SEMA3A: variants seen among roughly 807,000 people sequenced by gnomAD.
SEMA3A encodes semaphorin-3A.
Under a neutral mutation model 97.9 loss-of-function variants are expected in SEMA3A, and 29 were observed. The observed-to-expected ratio is 0.30, with a 90% CI of 0.22 to 0.40. SEMA3A has a LOEUF of 0.40. SEMA3A is among the 10% of genes least tolerant of loss of function. The probability of loss-of-function intolerance (pLI) is 1.00; values close to 1 mark genes in which losing one functional copy is unlikely to be tolerated. For missense variants in SEMA3A, 763 were observed against 951.3 expected, an observed-to-expected ratio of 0.80 and a Z score of 2.60; for synonymous variants, 321 against 323.7, an observed-to-expected ratio of 0.99 and a Z score of 0.09.
chr7:84,274,569 T>G (rs912008560), intron 3 of SEMA3A, among the ~76,000 whole-genome samples: 50 of 152,070 alleles, frequency 3.3e-4, no homozygotes, highest in Admixed American at 5.9e-4. Flanking sequence ...CATTGTGTGA[T>G]CTTCAAAATA....
intron 3 of SEMA3A, among the ~76,000 whole-genome samples, chr7:84,294,503 C>T (rs1800824104): frequency 6.6e-6 from 1 of 151,858 alleles, no homozygotes; most frequent in African/African-American, 2.4e-5. Flanking sequence ...AATTAAATTC[C>T]TATATTCTTC....
rs555588975 is a variant in SEMA3A at position 84,448,721 on chromosome 7, A to G, written c.-246+43739T>C. 2.0e-5 allele frequency among the ~76,000 whole-genome samples: 3 copies of G among 152,264 alleles called. No homozygotes were observed. The East Asian group carries it at 5.8e-4, about 29-fold the overall frequency. Reference sequence around the variant, plus strand: ...ATGATTGGAAGACTTAATAACGTTAATATGTCAGTACTACACAAAGTGATT... The same window carrying G: ...ATGATTGGAAGACTTAATAACGTTAGTATGTCAGTACTACACAAAGTGATT... On this transcript the variant is annotated intron_variant, in intron 1 of 3. Coordinates refer to the SEMA3A transcript ENST00000424555.
chr7:84,467,377 C>G (rs1806027898), intron 1 of SEMA3A, among the ~76,000 whole-genome samples: 1 of 151,814 alleles, frequency 6.6e-6, no homozygotes. Flanking sequence ...AAAAAATTAG[C>G]TGGGTATGTT....
At chr7:84,076,775 T>C (rs1793965718) in intron 4 of SEMA3A, among the ~76,000 whole-genome samples, 1 of 152,102 alleles carries the variant, frequency 6.6e-6, no homozygotes, top group African/African-American at 2.4e-5. Flanking sequence ...CCATTCCCAT[T>C]CTAATAACAA....
At position 84,103,803 on chromosome 7, in the gene SEMA3A, A is replaced by G. The variant is rs1288068625; in HGVS notation, c.453+6667T>C. ...GAAGGATTATGAAGGCTGGAGAATG[A>G]AAGGGAAGATGAAAAAGTACCAAAC... On this transcript the variant is annotated intron_variant, in intron 4 of 16. Transcript: ENST00000265362. 2.0e-5 allele frequency among the ~76,000 whole-genome samples: 3 copies of G among 152,228 alleles called. 1 individual carries two copies. In the East Asian group the frequency reaches 5.8e-4, roughly 29 times the overall value.
At chr7:84,430,098 C>T (rs561141529) in intron 1 of SEMA3A, among the ~76,000 whole-genome samples, 30 of 151,794 alleles carry the variant, frequency 2.0e-4, no homozygotes, top group Non-Finnish European at 4.4e-5. Context: ...TAAACCCAAT[C>T]GGGGAAGCTG....
At chr7:84,271,018 G>A (rs905370403) in intron 3 of SEMA3A, among the ~76,000 whole-genome samples, 2 of 151,570 alleles carry the variant, frequency 1.3e-5, no homozygotes, top group African/African-American at 4.9e-5. Flanking sequence ...ATTTATATCC[G>A]GAATCAATTT....
At chr7:84,393,581 A>C (rs1263937363) in intron 1 of SEMA3A, among the ~76,000 whole-genome samples, 1 of 152,166 alleles carries the variant, frequency 6.6e-6, no homozygotes, top group Non-Finnish European at 1.5e-5. Flanking sequence ...ATTACAAATT[A>C]AGTTATGGTG....
intron 1 of SEMA3A, among the ~76,000 whole-genome samples, chr7:84,444,785 C>T (rs1319578107): frequency 6.6e-6 from 1 of 152,010 alleles, no homozygotes; most frequent in Non-Finnish European, 1.5e-5. Context: ...TGGTCTTGAT[C>T]TCCTGACCTC....
At position 83,994,348 on chromosome 7, in the gene SEMA3A, G is replaced by A. The variant is rs1232967215; in HGVS notation, c.1452+7607C>T. ...GTCATTCTCCATCCAGCTTTGTTCC[G>A]TTGCTGGTGAGGAACTGCGTTCCTT... On this transcript the variant is annotated intron_variant, in intron 12 of 16. Coordinates refer to ENST00000265362, the MANE Select transcript of SEMA3A (RefSeq NM_006080.3). 1.1e-4 allele frequency among the ~76,000 whole-genome samples: 13 copies of A among 118,288 alleles called. 2 individuals are homozygous for A. The highest frequency in any genetic ancestry group is 3.8e-4 in the African/African-American group (12 of 31,794). 77.6% of individuals were successfully genotyped at this position (118,288 alleles called of 152,430 possible).
intron 2 of SEMA3A, among the ~76,000 whole-genome samples, chr7:84,335,176 T>C (rs899020520): frequency 1.3e-5 from 2 of 152,172 alleles, no homozygotes; most frequent in East Asian, 1.9e-4. Context: ...TGTATTTTTC[T>C]CTACTATTAA....
intron 3 of SEMA3A, among the ~76,000 whole-genome samples, chr7:84,204,377 A>AT (rs1001059779): frequency 1.6e-4 from 24 of 152,214 alleles, no homozygotes; most frequent in Admixed American, 4.6e-4. Flanking sequence ...AATGGGATAT[A>AT]TTTTTTTATT....
Position 84,297,246 on chromosome 7 carries a change from GGATTACAGGTGT to G in SEMA3A, c.-83+9949_-83+9960del, listed in dbSNP as rs1322297827. Among the ~76,000 whole-genome samples, 7 of 152,216 alleles carry G rather than the reference GGATTACAGGTGT, an allele frequency of 4.6e-5. No individual in the cohort carries two copies. In the East Asian group the frequency reaches 1.4e-3, roughly 29 times the overall value. Reference sequence around the variant, plus strand: ...CCGGCCTTGGCCTCCCAAAGTTCTGGGATTACAGGTGTGAGCCACCGTGCCCAGCCGAGTTTT... The same window carrying G: ...CCGGCCTTGGCCTCCCAAAGTTCTGGGAGCCACCGTGCCCAGCCGAGTTTT... On this transcript the variant is annotated intron_variant, in intron 3 of 3. Transcript: ENST00000424555.
At chr7:84,360,642 CA>C (rs1431192544) in intron 2 of SEMA3A, among the ~76,000 whole-genome samples, 3 of 152,126 alleles carry the variant, frequency 2.0e-5, no homozygotes, top group East Asian at 3.9e-4. Context: ...TGTAGCATGT[CA>C]AGACGAGTGT....
rs531379518 is a variant in SEMA3A at position 84,312,085 on chromosome 7, G to A, written c.-168-4793C>T. Among the ~76,000 whole-genome samples, 304 of 151,966 alleles carry A rather than the reference G, an allele frequency of 2.0e-3. 1 individual carries two copies. Among genetic ancestry groups the A allele is most frequent in the Non-Finnish European group, 3.9e-3 (263 of 67,826 alleles). ...CCTCTAACACAGGCTGAAAATAAAT[G>A]TAATTGGCCATGAATGTGTATGGCA... On this transcript the variant is annotated intron_variant, in intron 2 of 3. Coordinates refer to the SEMA3A transcript ENST00000424555.
intron 5 of SEMA3A, among the ~76,000 whole-genome samples, chr7:84,056,932 T>C (rs964472356): frequency 2.6e-5 from 4 of 152,240 alleles, no homozygotes; most frequent in Non-Finnish European, 4.4e-5. Flanking sequence ...AATAATAGTA[T>C]GCTATTACAT....
intron 15 of SEMA3A, among the ~76,000 whole-genome samples, chr7:83,967,368 C>G (rs1221935077): frequency 6.6e-6 from 1 of 152,150 alleles, no homozygotes; most frequent in Non-Finnish European, 1.5e-5. Flanking sequence ...CCTTCTCTCC[C>G]CAGCTCCAGA....
At chr7:84,182,516 T>C (rs1797763584) in intron 1 of SEMA3A, among the ~76,000 whole-genome samples, 1 of 152,148 alleles carries the variant, frequency 6.6e-6, no homozygotes, top group Non-Finnish European at 1.5e-5. Context: ...AATCCTTTCC[T>C]GAAGAAACAG....
intron 12 of SEMA3A, among the ~76,000 whole-genome samples, chr7:83,992,574 G>T (rs1790006229): frequency 6.6e-6 from 1 of 151,896 alleles, no homozygotes; most frequent in African/African-American, 2.4e-5. Flanking sequence ...ATTTCCTTAT[G>T]TACCCAGTAG....
Sources: gnomAD v4.1 joint callset for allele counts (sites outside exome capture counted in the v4.1 genomes callset) on GRCh38, gnomAD v4.1.1 for gene constraint, MANE v1.5 for transcripts, NCBI Gene and HGNC (gene_info 2026-07-23, HGNC 2026-07-21) for gene names.